CASP1: variants seen among roughly 807,000 people sequenced by gnomAD.
The protein encoded by CASP1 is caspase 1.
In CASP1, 31 loss-of-function variants were observed where a neutral mutation model predicts 41.2. That is an observed-to-expected ratio of 0.75 (90% CI 0.57 to 1.02). The LOEUF is 1.02. Among genes scored for constraint, CASP1 ranks in the 50% least tolerant of loss-of-function variants. The probability of loss-of-function intolerance (pLI) is 0.00; values close to 1 mark genes in which losing one functional copy is unlikely to be tolerated. For synonymous variants in CASP1, 163 were observed against 166.5 expected (o/e 0.98, Z 0.16); for missense variants, 490 against 495.7 (o/e 0.99, Z 0.11).
chr11:105,031,074 G>A (rs1863661678), intron 4 of CASP1, 91 bp downstream of exon 4: 8 of 737,142 alleles, frequency 1.1e-5, no homozygotes, highest in South Asian at 1.0e-4. Context: ...ACTGCTCAAT[G>A]AGGTTGGCTC....
chr11:105,034,020 A>G (rs1196714909), intron 2 of CASP1, 188 bp downstream of exon 2: 5 of 967,944 alleles, frequency 5.2e-6, no homozygotes, highest in Non-Finnish European at 8.3e-6. Flanking sequence ...GAAGAGTGCC[A>G]CTGAGGATTA....
intron 7 of CASP1, among the ~76,000 whole-genome samples, chr11:105,028,708 C>T (rs1277579712): frequency 6.6e-6 from 1 of 152,056 alleles, no homozygotes; most frequent in Non-Finnish European, 1.5e-5. Context: ...GTAAAACCCA[C>T]TTTAATTTAG....
chr11:105,025,641 A>G lies in CASP1; in HGVS notation c.*617T>C. 2.6e-6 allele frequency: 1 copy of G among 390,962 alleles called. No homozygotes were observed. The allele number at this position is 390,962 out of a possible 1,614,324, so 24.2% of individuals were successfully genotyped here. A position where few individuals can be genotyped will look rare whatever the true frequency, so the allele number is the denominator to read the frequency against. On this transcript the variant is annotated 3_prime_UTR_variant, in exon 9 of 9. Transcript: ENST00000533400. ...ATAATTAAAAAAAAAAACATAGGAA[A>G]GAATTTTGTTAAAGACATGCAAGTT...
intron 3 of CASP1, 42 bp downstream of exon 3, chr11:105,033,022 G>T (rs771366110): frequency 8.3e-7 from 1 of 1,198,418 alleles, no homozygotes; most frequent in South Asian, 1.2e-5. Flanking sequence ...TGTCAAGGAA[G>T]ATGTGGGTCA....
At chr11:105,033,270 A>T in intron 2 of CASP1, 144 bp from the exon 3 acceptor site, 2 of 572,322 alleles carry the variant, frequency 3.5e-6, no homozygotes, top group Non-Finnish European at 6.1e-6. Flanking sequence ...GATGTTCTTT[A>T]ATTTAGAGAG....
At chr11:105,035,768 A>G (rs1382590658), upstream of CASP1, among the ~76,000 whole-genome samples, 1 of 151,808 alleles carries the variant, frequency 6.6e-6, no homozygotes, top group African/African-American at 2.4e-5. Flanking sequence ...GGCACATGCC[A>G]CCATGGCCAG....
At position 105,029,988 on chromosome 11, in the gene CASP1, C is replaced by T. The variant is rs527708384; in HGVS notation, c.628-89G>A. 3.9e-6 allele frequency: 4 copies of T among 1,028,646 alleles called. No individual in the cohort carries two copies. The South Asian group carries it at 4.3e-5, about 11-fold the overall frequency. 63.7% of individuals were successfully genotyped at this position (1,028,646 alleles called of 1,614,324 possible). A position where few individuals can be genotyped will look rare whatever the true frequency, so the allele number is the denominator to read the frequency against. On this transcript the variant is annotated intron_variant, in intron 5 of 8. Coordinates refer to ENST00000533400, the MANE Select transcript of CASP1 (RefSeq NM_001257118.3). ...CAATAAATAAATACTTAAGGAGTTT[C>T]TTAAGGAATTCCGTGACAAACAACA...
At chr11:105,028,478 C>T (rs1281737532) in intron 7 of CASP1, among the ~76,000 whole-genome samples, 1 of 151,760 alleles carries the variant, frequency 6.6e-6, no homozygotes, top group African/African-American at 2.4e-5. Context: ...TTGTGTCGTG[C>T]CCAATATTTC....
Position 105,029,808 on chromosome 11 carries a change from C to T in CASP1, c.719G>A (p.Arg240Gln), listed in dbSNP as rs45617533. 2,876 of 1,613,682 alleles carry T rather than the reference C, an allele frequency of 1.8e-3. 2 individuals are homozygous for T. Among genetic ancestry groups the T allele is most frequent in the Middle Eastern group, 3.1e-3 (19 of 6,060 alleles). Residue 240 changes from arginine (R) to glutamine (Q), a missense_variant, in exon 6 of 9, where the codon CGG (arginine) becomes CAG (glutamine). Transcript: ENST00000533400. ...TFLVFMSHGIREGICGKKHSE... is the reference protein window; with the variant it reads ...TFLVFMSHGIQEGICGKKHSE... ...GTGTTTCTTCCCACAAATGCCTTCC[C>T]GAATACCATGAGACATGAACACCAG...
chr11:105,030,408 C>A lies in CASP1; in HGVS notation c.549G>T (p.Glu183Asp). Residue 183 changes from glutamate to aspartate, a missense_variant, in exon 5 of 9, where the codon GAG (glutamate) becomes GAT (aspartate). Physicochemically the swap from Glu to Asp is conservative, Grantham distance 45 (BLOSUM62 2). Transcript: ENST00000533400. The stretch of plus-strand genomic sequence containing the variant: ...GCATTGTCATGCCTGTGATGTCAAC[C>A]TCAGCTCCAGTTCTTCTAGGAATAC... ...FDSIPRRTGA[E>D]VDITGMTMLL... 6.2e-7 allele frequency: 1 copy of A among 1,613,640 alleles called. No individual in the cohort carries two copies. Among genetic ancestry groups the A allele is most frequent in the Non-Finnish European group, 8.5e-7 (1 of 1,179,692 alleles).
chr11:105,030,874 G>A lies in CASP1; in HGVS notation c.453+291C>T, dbSNP rs1863648898. ...ATCTCTAAAATGGGTTGTGTTTAAG[G>A]TTAAAAATTATATATTATCATGTGC... is the stretch of plus-strand genomic sequence containing the variant. On this transcript the variant is annotated intron_variant, in intron 4 of 8. Transcript: ENST00000533400. 2 of 356,728 alleles carry A rather than the reference G, an allele frequency of 5.6e-6. 1 individual carries two copies. Among genetic ancestry groups the A allele is most frequent in the Admixed American group, 8.7e-5 (2 of 22,858 alleles). The allele number at this position is 356,728 out of a possible 1,614,324, so 22.1% of individuals were successfully genotyped here.
chr11:105,026,222 G>A lies in CASP1; in HGVS notation c.*36C>T, dbSNP rs1434634472. 2 of 1,353,232 alleles carry A rather than the reference G, an allele frequency of 1.5e-6. No homozygotes were observed. The highest frequency in any genetic ancestry group is 2.3e-5 in the East Asian group (1 of 43,634). 83.8% of individuals were successfully genotyped at this position (1,353,232 alleles called of 1,614,324 possible). A position where few individuals can be genotyped will look rare whatever the true frequency, so the allele number is the denominator to read the frequency against. ...TTCCCACACTCCCGACCATACACAT[G>A]TACCTGCCCACAGACATTCATACAG... On this transcript the variant is annotated 3_prime_UTR_variant, in exon 9 of 9. Transcript: ENST00000533400.
intron 8 of CASP1, chr11:105,026,606 G>C (rs1863305183): frequency 1.7e-6 from 1 of 600,300 alleles, no homozygotes; most frequent in South Asian, 2.1e-5. Context: ...CCATTCATTT[G>C]TCTCTGCAGG....
chr11:105,031,526 A>T (rs1863698020), intron 3 of CASP1, among the ~76,000 whole-genome samples: 1 of 152,202 alleles, frequency 6.6e-6, no homozygotes, highest in African/African-American at 2.4e-5. Flanking sequence ...TTCTACAAGC[A>T]TTTTAGATAC....
intron 7 of CASP1, 67 bp from the exon 8 acceptor site, chr11:105,027,018 T>C (rs1863348943): frequency 1.1e-6 from 1 of 882,648 alleles, no homozygotes; most frequent in Non-Finnish European, 1.9e-6. Context: ...GAAACCCTAG[T>C]ATTTATACTC....
At chr11:105,028,947 A>G (rs1370630804) in intron 7 of CASP1, among the ~76,000 whole-genome samples, 177 bp downstream of exon 7, 1 of 152,158 alleles carries the variant, frequency 6.6e-6, no homozygotes, top group East Asian at 1.9e-4. Context: ...GAATTCTTTA[A>G]TTAGTAATGC....
chr11:105,035,566 T>G (rs1201036427), upstream of CASP1, among the ~76,000 whole-genome samples: 3 of 152,030 alleles, frequency 2.0e-5, no homozygotes, highest in East Asian at 5.8e-4. Context: ...TTCACCAGAA[T>G]TAAAGCTTTT....
upstream of CASP1, among the ~76,000 whole-genome samples, chr11:105,035,616 C>CTTTTTCT (rs770202897): frequency 0.011 from 552 of 52,090 alleles, 19 homozygotes; most frequent in African/African-American, 0.026. Flanking sequence ...TTTTTTCTTT[C>CTTTTTCT]TGTTTTTTTT....
intron 7 of CASP1, 90 bp downstream of exon 7, chr11:105,029,034 C>T: frequency 8.0e-7 from 1 of 1,243,242 alleles, no homozygotes; most frequent in Non-Finnish European, 1.1e-6. Flanking sequence ...TTGAGTTGGT[C>T]TTGAGTTGTT....
Sources: gnomAD v4.1 joint callset for allele counts (sites outside exome capture counted in the v4.1 genomes callset) on GRCh38, gnomAD v4.1.1 for gene constraint, MANE v1.5 for transcripts, NCBI Gene and HGNC (gene_info 2026-07-23, HGNC 2026-07-21) for gene names.